Variants in RBFOX1 observed in about 807,000 individuals in gnomAD.
The protein encoded by RBFOX1 is RNA binding fox-1 homolog 1, also known as RNA binding protein fox-1 homolog 1.
In RBFOX1, 8 loss-of-function variants were observed where a neutral mutation model predicts 57.7. The ratio of observed to expected loss-of-function variants is 0.14; its 90% CI spans 0.08 to 0.25. The LOEUF is 0.25. Among genes scored for constraint, RBFOX1 ranks in the 10% least tolerant of loss-of-function variants. The pLI is 1.00. For missense variants in RBFOX1, 611 were observed against 548.5 expected (o/e 1.11, Z -1.14); for synonymous variants, 326 against 222.4 (o/e 1.47, Z -4.15).
intron 2 of RBFOX1, among the ~76,000 whole-genome samples, chr16:6,529,407 A>G (rs1440008845): frequency 6.6e-6 from 1 of 151,928 alleles, no homozygotes; most frequent in African/African-American, 2.4e-5. Flanking sequence ...AAAAATACAA[A>G]AATCAGTTGG....
chr16:5,391,689 G>A (rs901024659), intron 1 of RBFOX1, among the ~76,000 whole-genome samples: 4 of 152,030 alleles, frequency 2.6e-5, no homozygotes, highest in African/African-American at 7.3e-5. Context: ...AGGATCACAG[G>A]TAGTGTCTTC....
intron 4 of RBFOX1, among the ~76,000 whole-genome samples, chr16:7,438,495 A>G (rs1352765106): frequency 2.6e-5 from 4 of 152,122 alleles, no homozygotes; most frequent in African/African-American, 9.7e-5. Flanking sequence ...TGGGGATCAG[A>G]CTGGAACATC....
At chr16:5,560,246 A>G (rs1356555044) in intron 2 of RBFOX1, among the ~76,000 whole-genome samples, 5 of 152,116 alleles carry the variant, frequency 3.3e-5, no homozygotes, top group Non-Finnish European at 7.4e-5. Flanking sequence ...CACTTCCTCC[A>G]GAAAGCACTT....
At chr16:6,709,161 A>T (rs902211277) in intron 3 of RBFOX1, among the ~76,000 whole-genome samples, 2 of 152,142 alleles carry the variant, frequency 1.3e-5, no homozygotes. Flanking sequence ...AAAGCTGGTA[A>T]ATTGGTTCAA....
At chr16:5,835,927 C>A (rs2056442934) in intron 3 of RBFOX1, among the ~76,000 whole-genome samples, 1 of 152,138 alleles carries the variant, frequency 6.6e-6, no homozygotes, top group South Asian at 2.1e-4. Context: ...ACCCGCCGCC[C>A]ATGAGTCTTG....
intron 4 of RBFOX1, among the ~76,000 whole-genome samples, chr16:7,155,738 T>TATACACACAC (rs1364155897): frequency 1.3e-5 from 1 of 75,518 alleles, no homozygotes; most frequent in African/African-American, 6.1e-5. Context: ...TATATATATA[T>TATACACACAC]ACACACACAC....
At chr16:6,568,316 T>A (rs1461649516) in intron 2 of RBFOX1, among the ~76,000 whole-genome samples, 1 of 152,170 alleles carries the variant, frequency 6.6e-6, no homozygotes, top group African/African-American at 2.4e-5. Context: ...GACTCACTCA[T>A]ATGGATATTG....
At chr16:5,871,771 G>T (rs2057479380) in intron 4 of RBFOX1, among the ~76,000 whole-genome samples, 2 of 152,110 alleles carry the variant, frequency 1.3e-5, no homozygotes, top group Admixed American at 6.5e-5. Flanking sequence ...TTGGTTTCTT[G>T]CCTCACCTTA....
chr16:7,464,151 A>G (rs1391193808), intron 4 of RBFOX1, among the ~76,000 whole-genome samples: 2 of 152,110 alleles, frequency 1.3e-5, no homozygotes, highest in Non-Finnish European at 2.9e-5. Flanking sequence ...TTTCCTTAAG[A>G]TAGGGTTACA....
intron 3 of RBFOX1, among the ~76,000 whole-genome samples, chr16:6,907,233 C>A (rs773314526): frequency 6.6e-6 from 1 of 152,058 alleles, no homozygotes; most frequent in Admixed American, 6.6e-5. Flanking sequence ...TCCTACAGTG[C>A]GCAGGATGGC....
chr16:7,272,005 A>G (rs893080862), intron 4 of RBFOX1, among the ~76,000 whole-genome samples: 1 of 152,128 alleles, frequency 6.6e-6, no homozygotes. Context: ...TGAAGTCATC[A>G]TAGTGTTTTT....
chr16:5,260,142 G>C (rs1426987622), intron 1 of RBFOX1, among the ~76,000 whole-genome samples: 1 of 152,190 alleles, frequency 6.6e-6, no homozygotes, highest in African/African-American at 2.4e-5. Flanking sequence ...TGGAGGTTTG[G>C]TGAGCTGAGA....
At chr16:6,509,353 A>G (rs938768045) in intron 2 of RBFOX1, among the ~76,000 whole-genome samples, 62 of 152,238 alleles carry the variant, frequency 4.1e-4, no homozygotes, top group African/African-American at 1.3e-3. Context: ...CTATTCAGCT[A>G]TAAAAAGAAT....
intron 5 of RBFOX1, among the ~76,000 whole-genome samples, chr16:7,550,327 G>A (rs1274605813): frequency 2.6e-5 from 4 of 151,744 alleles, no homozygotes; most frequent in Admixed American, 6.6e-5. Flanking sequence ...TCCTCTGCCC[G>A]TGAAGGTTAA....
At position 5,710,141 on chromosome 16, in the gene RBFOX1, G is replaced by A. The variant is rs1430855047; in HGVS notation, c.318+111180G>A. On this transcript the variant is annotated intron_variant, in intron 3 of 19. Coordinates refer to the RBFOX1 transcript ENST00000641259. ...CATGTGAGAGATTATAAGCTCCCACGAAATTCCTACTCAGAGCCATGTGAG... is the reference window on the plus strand; with the variant it reads ...CATGTGAGAGATTATAAGCTCCCACAAAATTCCTACTCAGAGCCATGTGAG... Among the ~76,000 whole-genome samples the A allele has an allele frequency of 2.6e-5, 4 of 151,814 alleles. No individual in the cohort carries two copies. The East Asian group carries it at 5.8e-4, about 22-fold the overall frequency.
intron 3 of RBFOX1, among the ~76,000 whole-genome samples, chr16:5,741,080 G>A (rs1360574413): frequency 6.6e-6 from 1 of 152,166 alleles, no homozygotes; most frequent in Admixed American, 6.5e-5. Context: ...ACCAGGAAGG[G>A]TGGAGTCACT....
chr16:7,531,198 C>A (rs2079983156), intron 5 of RBFOX1, among the ~76,000 whole-genome samples: 1 of 152,086 alleles, frequency 6.6e-6, no homozygotes, highest in Non-Finnish European at 1.5e-5. Context: ...CTGCCCTGAT[C>A]TTTTAAAAGG....
At chr16:7,018,231 A>G (rs1033421912) in intron 3 of RBFOX1, among the ~76,000 whole-genome samples, 49 of 152,148 alleles carry the variant, frequency 3.2e-4, no homozygotes, top group African/African-American at 1.2e-3. Context: ...GGCATTCTCT[A>G]CTGGCTTGCA....
At chr16:6,384,177 C>T (rs2092073272) in intron 2 of RBFOX1, among the ~76,000 whole-genome samples, 1 of 151,470 alleles carries the variant, frequency 6.6e-6, no homozygotes, top group South Asian at 2.1e-4. Flanking sequence ...CAAGGTTAAC[C>T]ATGCTTTATG....
Sources: allele counts gnomAD v4.1 joint callset (sites outside exome capture counted in the v4.1 genomes callset), GRCh38; gene constraint gnomAD v4.1.1; transcripts MANE v1.5; gene names NCBI Gene and HGNC (gene_info 2026-07-23, HGNC 2026-07-21).